OPA1: variants seen among roughly 807,000 people sequenced by gnomAD.
OPA1 encodes dynamin-like GTPase OPA1, mitochondrial.
In OPA1, 59 loss-of-function variants were observed where a neutral mutation model predicts 152.9. That is an observed-to-expected ratio of 0.39 (90% CI 0.31 to 0.48). The LOEUF (loss-of-function observed/expected upper bound fraction) is 0.48, where lower values mean the gene tolerates loss of function less well. Among genes scored for constraint, OPA1 ranks in the 20% least tolerant of loss-of-function variants. The pLI, the probability that OPA1 is intolerant of heterozygous loss-of-function variation, is 0.96. For synonymous variants in OPA1, 400 were observed against 389.9 expected (o/e 1.03, Z -0.31); for missense variants, 1,008 against 1,216.8 (o/e 0.83, Z 2.55).
At chr3:193,649,191 T>C (rs1489277835) in intron 21 of OPA1, among the ~76,000 whole-genome samples, 1 of 152,142 alleles carries the variant, frequency 6.6e-6, no homozygotes, top group Non-Finnish European at 1.5e-5. Flanking sequence ...CCTGTCAAAA[T>C]TGATTTATAA....
At chr3:193,659,345 TG>T (rs1714676631) in intron 24 of OPA1, 136 bp from the exon 25 acceptor site, 1 of 734,834 alleles carries the variant, frequency 1.4e-6, no homozygotes, top group Non-Finnish European at 2.4e-6. Context: ...ATCAGTCATG[TG>T]GGTTTTTTCC....
chr3:193,634,183 GTGT>G lies in OPA1; in HGVS notation c.844-1230_844-1228del, dbSNP rs1732551789. 2.0e-5 allele frequency among the ~76,000 whole-genome samples: 3 copies of G among 151,780 alleles called. No homozygotes were observed. In the South Asian group the frequency reaches 6.3e-4, roughly 32 times the overall value. On this transcript the variant is annotated intron_variant, in intron 8 of 30. Transcript: ENST00000361510. ...TGGGTTATTTTTAATAGTTTTCTCT[GTGT>G]TGTTAATGTTTAGAGAAGAAATAAA... is the stretch of plus-strand genomic sequence containing the variant.
intron 1 of OPA1, among the ~76,000 whole-genome samples, chr3:193,599,417 T>A (rs2108787914): frequency 6.6e-6 from 1 of 151,802 alleles, no homozygotes; most frequent in East Asian, 1.9e-4. Context: ...TTTTTTGTAC[T>A]TTTTTGGTTT....
chr3:193,644,560 G>C (rs891863326), intron 16 of OPA1, among the ~76,000 whole-genome samples: 2 of 151,604 alleles, frequency 1.3e-5, no homozygotes, highest in Non-Finnish European at 1.5e-5. Context: ...TAAGTTTTCA[G>C]ATACCAGCCA....
chr3:193,596,502 A>C (rs1446241066), intron 1 of OPA1, among the ~76,000 whole-genome samples: 1 of 151,362 alleles, frequency 6.6e-6, no homozygotes, highest in Non-Finnish European at 1.5e-5. Context: ...GGCCTCCCAA[A>C]ATGCCAGGAT....
intron 3 of OPA1, 51 bp downstream of exon 3, chr3:193,615,821 GA>G (rs1728928547): frequency 5.9e-6 from 6 of 1,022,760 alleles, no homozygotes; most frequent in Non-Finnish European, 9.4e-6. Context: ...CGAGGAAAGA[GA>G]AATAGTTTAT....
intron 20 of OPA1, 67 bp downstream of exon 20, chr3:193,648,201 T>C: frequency 8.0e-7 from 1 of 1,252,340 alleles, no homozygotes; most frequent in Non-Finnish European, 1.2e-6. Flanking sequence ...ACTAAATTTA[T>C]GTTGAGAGAA....
chr3:193,612,401 A>G (rs1728394918), intron 1 of OPA1, among the ~76,000 whole-genome samples: 1 of 151,882 alleles, frequency 6.6e-6, no homozygotes, highest in Non-Finnish European at 1.5e-5. Context: ...GTCAAAGTAC[A>G]GTCCTCTTTC....
intron 26 of OPA1, 94 bp downstream of exon 26, chr3:193,663,056 C>A: frequency 7.8e-7 from 1 of 1,280,800 alleles, no homozygotes; most frequent in Non-Finnish European, 1.1e-6. Flanking sequence ...TATTTAAGTG[C>A]TTAATTTGAC....
intron 11 of OPA1, among the ~76,000 whole-genome samples, chr3:193,642,161 T>C (rs887818747): frequency 1.3e-5 from 2 of 152,158 alleles, no homozygotes; most frequent in Non-Finnish European, 2.9e-5. Flanking sequence ...TACCCAAATA[T>C]CACTCCTTGA....
chr3:193,611,489 C>G (rs746292000), intron 1 of OPA1, among the ~76,000 whole-genome samples: 1 of 149,814 alleles, frequency 6.7e-6, no homozygotes, highest in Non-Finnish European at 1.5e-5. Context: ...CGCAGCTACT[C>G]GGGAGGCTGA....
intron 15 of OPA1, 83 bp downstream of exon 15, chr3:193,643,710 T>C (rs1734124070): frequency 1.6e-6 from 2 of 1,222,958 alleles, no homozygotes; most frequent in Non-Finnish European, 2.4e-6. Flanking sequence ...GTTTGTGTTA[T>C]GTAAACATAC....
In OPA1 at chr3:193,635,517, C is replaced by G. The variant is rs866764665; in HGVS notation, c.943C>G (p.Leu315Val). 1.3e-6 allele frequency: 2 copies of G among 1,579,412 alleles called. No homozygotes were observed. Among genetic ancestry groups the G allele is most frequent in the African/African-American group, 2.7e-5 (2 of 74,354 alleles). The change falls in exon 9 of 31, where the codon CTT (leucine) becomes GTT (valine). Residue 315 changes from leucine (L) to valine (V), a missense_variant. This residue lies in a region of OPA1 where 408 missense variants were observed against 395.1 expected (regional missense o/e 1.03). Transcript: ENST00000361510. Reference protein sequence around the residue: ...KDDKGIHHRKLKKSLIDMYSE... With the variant: ...KDDKGIHHRKVKKSLIDMYSE... Reference sequence around the variant, plus strand: ...TGACAAAGGCATTCATCATAGAAAGCTTAAGGTATTCTAAGTTTGTCTTGT... The same window carrying G: ...TGACAAAGGCATTCATCATAGAAAGGTTAAGGTATTCTAAGTTTGTCTTGT...
chr3:193,663,819 T>C (rs1294266862), intron 26 of OPA1, among the ~76,000 whole-genome samples: 1 of 152,152 alleles, frequency 6.6e-6, no homozygotes, highest in African/African-American at 2.4e-5. Context: ...AAAGCAGTTA[T>C]ATACATCTAG....
intron 7 of OPA1, among the ~76,000 whole-genome samples, chr3:193,626,704 G>A (rs1731211721): frequency 6.6e-6 from 1 of 152,180 alleles, no homozygotes; most frequent in East Asian, 1.9e-4. Context: ...AAAGCATGTA[G>A]TTCTTATACA....
chr3:193,677,484 A>T (rs1475551466), intron 29 of OPA1, among the ~76,000 whole-genome samples: 1 of 152,112 alleles, frequency 6.6e-6, no homozygotes, highest in East Asian at 1.9e-4. Flanking sequence ...TAGAAAAAGT[A>T]GAATGTAGTA....
chr3:193,637,908 G>T, intron 10 of OPA1, 44 bp from the exon 11 acceptor site: 1 of 1,451,684 alleles, frequency 6.9e-7, no homozygotes, highest in Non-Finnish European at 9.7e-7. Flanking sequence ...ATTTTAATTT[G>T]GTATCAGAAA....
At chr3:193,643,128 T>C in intron 13 of OPA1, 79 bp downstream of exon 13, 2 of 1,230,726 alleles carry the variant, frequency 1.6e-6, no homozygotes, top group South Asian at 2.5e-5. Flanking sequence ...AATCTAGGTA[T>C]TGATGTTTAG....
rs552046522 is a variant in OPA1 at position 193,593,280 on chromosome 3, A to G, written c.-98A>G. 4.2e-5 allele frequency: 55 copies of G among 1,311,300 alleles called. 1 individual carries two copies. The South Asian group carries it at 7.3e-4, about 17-fold the overall frequency. 81.2% of individuals were successfully genotyped at this position (1,311,300 alleles called of 1,614,324 possible). ...CTCTGTGCCCTTGCTGCTGAGGGCC[A>G]CTTCCTGGGTCATTCCTGGACCGGG... On this transcript the variant is annotated 5_prime_UTR_variant, in exon 1 of 31. Transcript: ENST00000361510.
Sources: gnomAD v4.1 joint callset for allele counts (sites outside exome capture counted in the v4.1 genomes callset) on GRCh38, gnomAD v4.1.1 for gene constraint, gnomAD v4.1.1 regional missense constraint, MANE v1.5 for transcripts, NCBI Gene and HGNC (gene_info 2026-07-23, HGNC 2026-07-21) for gene names.